The following FBXL13 variants were observed in gnomAD, a reference collection of about 807,000 sequenced individuals.
FBXL13 encodes the protein F-box and leucine rich repeat protein 13, also known as F-box and leucine-rich repeat protein 13.
FBXL13 carries 67 observed loss-of-function variants against 83.6 expected under a neutral mutation model. That is an observed-to-expected ratio of 0.80 (90% CI 0.66 to 0.98). The LOEUF is 0.98. FBXL13 is among the 50% of genes least tolerant of loss of function. FBXL13 has a pLI of 0.00. For synonymous variants in FBXL13, 272 were observed against 299.5 expected (o/e 0.91, Z 0.95); for missense variants, 822 against 866.5 (o/e 0.95, Z 0.64).
chr7:102,872,005 T>C (rs1808591612), intron 16 of FBXL13, among the ~76,000 whole-genome samples: 1 of 152,164 alleles, frequency 6.6e-6, no homozygotes, highest in Non-Finnish European at 1.5e-5. Flanking sequence ...ACTATGACTA[T>C]GACTCCCCTA....
chr7:102,842,865 G>A (rs1171231616), intron 17 of FBXL13, among the ~76,000 whole-genome samples: 1 of 152,142 alleles, frequency 6.6e-6, no homozygotes, highest in African/African-American at 2.4e-5. Flanking sequence ...ACTATGCCTG[G>A]AGCCACTCAA....
intron 6 of FBXL13, chr7:102,973,415 C>T: frequency 1.4e-6 from 1 of 702,192 alleles, no homozygotes; most frequent in South Asian, 1.5e-5. Flanking sequence ...CTGGGTACCA[C>T]ATAGCAGTTA....
At chr7:102,829,536 G>A (rs1291410069) in intron 18 of FBXL13, among the ~76,000 whole-genome samples, 3 of 151,984 alleles carry the variant, frequency 2.0e-5, no homozygotes, top group African/African-American at 7.3e-5. Flanking sequence ...CCCACTTCAC[G>A]TCGGTCATGA....
At chr7:102,820,419 G>A (rs1352122923) in intron 19 of FBXL13, among the ~76,000 whole-genome samples, 3 of 152,202 alleles carry the variant, frequency 2.0e-5, no homozygotes, top group African/African-American at 7.2e-5. Flanking sequence ...GGGGTTTTGG[G>A]ACAAAGCTCA....
intron 7 of FBXL13, among the ~76,000 whole-genome samples, chr7:102,966,117 T>C (rs1337529179): frequency 6.6e-6 from 1 of 152,226 alleles, no homozygotes; most frequent in African/African-American, 2.4e-5. Context: ...TGTGCAACAA[T>C]GGCAAGAAGA....
chr7:103,017,871 G>A (rs895089333), intron 6 of FBXL13, among the ~76,000 whole-genome samples: 6 of 152,210 alleles, frequency 3.9e-5, no homozygotes, highest in African/African-American at 1.2e-4. Context: ...GAAAGTGACA[G>A]GGAGAAGAAT....
chr7:103,026,355 G>C (rs1258994081), intron 5 of FBXL13, among the ~76,000 whole-genome samples: 1 of 151,910 alleles, frequency 6.6e-6, no homozygotes, highest in Non-Finnish European at 1.5e-5. Context: ...AGGGGGGACT[G>C]GTCATGTACA....
chr7:102,933,813 C>T (rs1819687803), intron 8 of FBXL13: 2 of 1,292,542 alleles, frequency 1.5e-6, no homozygotes, highest in Non-Finnish European at 2.1e-6. Context: ...CTCATTGTTC[C>T]AGAACTGCAT....
chr7:102,878,456 G>A lies in FBXL13; in HGVS notation c.1389-6C>T. 1.9e-6 allele frequency: 3 copies of A among 1,560,688 alleles called. No homozygotes were observed. Among genetic ancestry groups the A allele is most frequent in the Non-Finnish European group, 2.6e-6 (3 of 1,159,536 alleles). On this transcript the variant is annotated splice_polypyrimidine_tract_variant and splice_region_variant and intron_variant, in intron 14 of 19. Transcript: ENST00000313221. The stretch of plus-strand genomic sequence containing the variant: ...TTAGTCCCATATCACCAATTCTGTA[G>A]GAAAGAGAGAAAAATTTTACATGTG...
At chr7:103,040,205 C>T (rs1440093593) in intron 2 of FBXL13, among the ~76,000 whole-genome samples, 1 of 152,036 alleles carries the variant, frequency 6.6e-6, no homozygotes, top group Non-Finnish European at 1.5e-5. Flanking sequence ...TTTAAACCAA[C>T]AGAGATCAAA....
chr7:102,992,756 G>A (rs1331504585), intron 6 of FBXL13, among the ~76,000 whole-genome samples: 4 of 152,004 alleles, frequency 2.6e-5, no homozygotes, highest in Non-Finnish European at 4.4e-5. Flanking sequence ...CAAGACATAC[G>A]CCAGCACATC....
intron 18 of FBXL13, among the ~76,000 whole-genome samples, chr7:102,832,505 CA>C (rs1163926270): frequency 3.9e-5 from 6 of 152,234 alleles, no homozygotes; most frequent in African/African-American, 1.4e-4. Flanking sequence ...CTTAATGCAA[CA>C]TTCTTTCATC....
intron 11 of FBXL13, among the ~76,000 whole-genome samples, chr7:102,911,327 T>G (rs1814635521): frequency 6.6e-6 from 1 of 152,130 alleles, no homozygotes; most frequent in African/African-American, 2.4e-5. Context: ...AACTGAGAAA[T>G]TGATAAGAAG....
chr7:103,027,986 G>A (rs926216641), intron 4 of FBXL13, among the ~76,000 whole-genome samples: 4 of 152,072 alleles, frequency 2.6e-5, no homozygotes, highest in Non-Finnish European at 4.4e-5. Flanking sequence ...TTTTCGGAGG[G>A]TCCACTCTAA....
At chr7:102,963,694 A>C in intron 7 of FBXL13, 29 bp from the exon 9 acceptor site, 4 of 1,573,992 alleles carry the variant, frequency 2.5e-6, no homozygotes, top group Non-Finnish European at 3.4e-6. Context: ...ATGCATTAAG[A>C]AATGAGAAAG....
At chr7:103,064,317 G>A (rs1798193042) in intron 1 of FBXL13, among the ~76,000 whole-genome samples, 1 of 152,218 alleles carries the variant, frequency 6.6e-6, no homozygotes. Flanking sequence ...CCCAGAGATG[G>A]GGATAGACAG....
At chr7:102,915,278 T>C (rs999229300) in intron 10 of FBXL13, among the ~76,000 whole-genome samples, 2 of 152,050 alleles carry the variant, frequency 1.3e-5, no homozygotes, top group East Asian at 3.9e-4. Flanking sequence ...AGTATTATCT[T>C]GAGGGTGATT....
chr7:103,034,425 C>A (rs10230467), intron 2 of FBXL13, among the ~76,000 whole-genome samples: 114 of 152,366 alleles, frequency 7.5e-4, no homozygotes, highest in African/African-American at 2.6e-3. Context: ...AGAAATTGAG[C>A]ACAGCAGCTG....
At chr7:102,854,807 T>G in exon 17 of FBXL13, 1 of 1,592,560 alleles carries the variant, frequency 6.3e-7, no homozygotes, top group Non-Finnish European at 8.6e-7. Flanking sequence ...TTCTATAACA[T>G]TCAGATACAG....
Sources: allele counts gnomAD v4.1 joint callset (sites outside exome capture counted in the v4.1 genomes callset), GRCh38; gene constraint gnomAD v4.1.1; transcripts MANE v1.5; gene names NCBI Gene and HGNC (gene_info 2026-07-23, HGNC 2026-07-21).